Variants in ZNF704 observed in about 807,000 individuals in gnomAD.
The protein encoded by ZNF704 is zinc finger protein 704, also known as glucocorticoid induced gene 1.
A neutral mutation model predicts 44.7 loss-of-function variants in ZNF704; 10 were observed. The ratio of observed to expected loss-of-function variants is 0.22; its 90% confidence interval spans 0.14 to 0.38. The LOEUF (loss-of-function observed/expected upper bound fraction) is 0.38, where lower values mean the gene tolerates loss of function less well. Among genes scored for constraint, ZNF704 ranks in the 10% least tolerant of loss-of-function variants. The pLI is 1.00. For synonymous variants in ZNF704, 211 were observed against 207.6 expected (o/e 1.02, Z -0.14); for missense variants, 390 against 545.5 (o/e 0.71, Z 2.84).
intron 2 of ZNF704, among the ~76,000 whole-genome samples, chr8:80,726,000 C>A (rs1230871856): frequency 6.6e-6 from 1 of 151,980 alleles, no homozygotes; most frequent in Non-Finnish European, 1.5e-5. Flanking sequence ...TTAATGTCTA[C>A]AATAGGGAAA....
intron 2 of ZNF704, among the ~76,000 whole-genome samples, chr8:80,711,897 A>G (rs1818993168): frequency 6.6e-6 from 1 of 152,226 alleles, no homozygotes; most frequent in South Asian, 2.1e-4. Flanking sequence ...AGTATCTAGC[A>G]GGACAGACCA....
intron 7 of ZNF704, among the ~76,000 whole-genome samples, chr8:80,652,238 T>G (rs1015379926): frequency 4.6e-5 from 7 of 151,770 alleles, no homozygotes; most frequent in Non-Finnish European, 1.0e-4. Context: ...ATTGACACCC[T>G]AACATCACAA....
At chr8:80,745,828 T>C (rs1025723218) in intron 2 of ZNF704, among the ~76,000 whole-genome samples, 1 of 151,828 alleles carries the variant, frequency 6.6e-6, no homozygotes, top group Non-Finnish European at 1.5e-5. Context: ...AAACACGAGC[T>C]CAGAACCAAG....
intron 2 of ZNF704, among the ~76,000 whole-genome samples, chr8:80,763,675 C>T (rs916138551): frequency 5.3e-5 from 8 of 152,194 alleles, no homozygotes; most frequent in African/African-American, 9.7e-5. Context: ...TATTAACATT[C>T]GGCTCCTCAT....
chr8:80,798,630 GTCT>G lies in ZNF704; in HGVS notation c.221+22741_221+22743del, dbSNP rs200206518. On this transcript the variant is annotated intron_variant, in intron 2 of 8. Transcript: ENST00000327835. ...TCTAAGAAGATCCAAACTTACCCTAGTCTTCTTGTCTTCTAAGCCTTCACCAGA... is the reference window on the plus strand; with the variant it reads ...TCTAAGAAGATCCAAACTTACCCTAGTCTTGTCTTCTAAGCCTTCACCAGA... Among the ~76,000 whole-genome samples, 708 of 152,194 alleles carry G rather than the reference GTCT, an allele frequency of 4.7e-3. 4 individuals carry two copies. The highest frequency in any genetic ancestry group is 0.016 in the African/African-American group (663 of 41,528).
chr8:80,684,228 C>T (rs1350456015), intron 4 of ZNF704, among the ~76,000 whole-genome samples: 1 of 152,182 alleles, frequency 6.6e-6, no homozygotes. Context: ...ATTGTATTAT[C>T]TCTTTATAAC....
chr8:80,770,061 T>C (rs1388858375), intron 2 of ZNF704, among the ~76,000 whole-genome samples: 2 of 152,158 alleles, frequency 1.3e-5, no homozygotes, highest in Non-Finnish European at 2.9e-5. Flanking sequence ...CATCAGATCT[T>C]GTGAGATGTA....
chr8:80,697,131 TG>T (rs1818738907), intron 2 of ZNF704, among the ~76,000 whole-genome samples: 1 of 152,172 alleles, frequency 6.6e-6, no homozygotes, highest in East Asian at 1.9e-4. Flanking sequence ...CGGTGAGCCC[TG>T]GGCTTACTGG....
intron 4 of ZNF704, among the ~76,000 whole-genome samples, chr8:80,686,019 TA>T (rs1429832211): frequency 4.6e-5 from 7 of 152,262 alleles, no homozygotes; most frequent in Non-Finnish European, 1.0e-4. Context: ...GTGGTGATTT[TA>T]AAAATAATGC....
At chr8:80,868,961 C>T (rs1354764874) in intron 1 of ZNF704, among the ~76,000 whole-genome samples, 1 of 152,182 alleles carries the variant, frequency 6.6e-6, no homozygotes, top group African/African-American at 2.4e-5. Flanking sequence ...ACTTTCTCTA[C>T]AAGAGGCAAC....
rs1424666740 is a variant in ZNF704, at chr8:80,687,470, C to G, written c.326-12G>C. 5 of 1,515,690 alleles carry G rather than the reference C, an allele frequency of 3.3e-6. No individual in the cohort carries two copies. The highest frequency in any genetic ancestry group is 4.4e-6 in the Non-Finnish European group (5 of 1,130,056). The allele number at this position is 1,515,690 out of a possible 1,614,324, so 93.9% of individuals were successfully genotyped here. A position where few individuals can be genotyped will look rare whatever the true frequency, so the allele number is the denominator to read the frequency against. On this transcript the variant is annotated splice_polypyrimidine_tract_variant and intron_variant, in intron 3 of 8. Coordinates refer to ENST00000327835, the MANE Select transcript of ZNF704 (RefSeq NM_001033723.3). ...TCCGCTGAGGCTCTCTGCATGCACACAAACACAGTCAGTGCCAGGACCCCT... is the reference window on the plus strand; with the variant it reads ...TCCGCTGAGGCTCTCTGCATGCACAGAAACACAGTCAGTGCCAGGACCCCT...
At chr8:80,739,546 T>A (rs1806721039) in intron 2 of ZNF704, among the ~76,000 whole-genome samples, 1 of 152,188 alleles carries the variant, frequency 6.6e-6, no homozygotes, top group Non-Finnish European at 1.5e-5. Flanking sequence ...CCAACTATAT[T>A]GAAAAACATT....
chr8:80,731,422 G>C (rs1178873991), intron 2 of ZNF704, among the ~76,000 whole-genome samples: 3 of 152,012 alleles, frequency 2.0e-5, no homozygotes, highest in South Asian at 2.1e-4. Context: ...AATTTTTAAA[G>C]ACCTGGACTA....
intron 3 of ZNF704, among the ~76,000 whole-genome samples, chr8:80,691,885 A>G (rs1818642753): frequency 6.6e-6 from 1 of 152,192 alleles, no homozygotes; most frequent in Non-Finnish European, 1.5e-5. Flanking sequence ...CCCTTGCTGA[A>G]GCACACCAAC....
chr8:80,778,401 G>T (rs1807451203), intron 2 of ZNF704, among the ~76,000 whole-genome samples: 1 of 152,182 alleles, frequency 6.6e-6, no homozygotes, highest in Non-Finnish European at 1.5e-5. Context: ...TTAATACATT[G>T]TTGGTGAGAG....
chr8:80,827,182 T>C (rs961355866), intron 1 of ZNF704, among the ~76,000 whole-genome samples: 1 of 152,294 alleles, frequency 6.6e-6, no homozygotes, highest in Non-Finnish European at 1.5e-5. Flanking sequence ...AACCCCATCA[T>C]CTCAGCCCAA....
intron 7 of ZNF704, among the ~76,000 whole-genome samples, chr8:80,659,161 T>C (rs1818059540): frequency 6.6e-6 from 1 of 152,226 alleles, no homozygotes; most frequent in Admixed American, 6.5e-5. Flanking sequence ...AAAAAATGAT[T>C]TTGATGTATT....
intron 1 of ZNF704, among the ~76,000 whole-genome samples, chr8:80,855,889 G>A (rs1035926441): frequency 6.6e-6 from 1 of 152,178 alleles, no homozygotes; most frequent in African/African-American, 2.4e-5. Context: ...TACCAGTTTT[G>A]TGTTTTTATT....
intron 1 of ZNF704, among the ~76,000 whole-genome samples, chr8:80,839,730 G>A (rs1808644232): frequency 6.6e-6 from 1 of 152,176 alleles, no homozygotes; most frequent in Non-Finnish European, 1.5e-5. Context: ...ATAGATGACT[G>A]TAGGGGGACC....
Sources: allele counts gnomAD v4.1 joint callset (sites outside exome capture counted in the v4.1 genomes callset), GRCh38; gene constraint gnomAD v4.1.1; transcripts MANE v1.5; gene names NCBI Gene and HGNC (gene_info 2026-07-23, HGNC 2026-07-21).